The following CCDC85C variants were observed in gnomAD, a reference collection of about 807,000 sequenced individuals.
CCDC85C encodes coiled-coil domain containing 85C, also known as coiled-coil domain-containing protein 85C.
A neutral mutation model predicts 38.3 loss-of-function variants in CCDC85C; 18 were observed. That is an observed-to-expected ratio of 0.47 (90% CI 0.33 to 0.70). The LOEUF (loss-of-function observed/expected upper bound fraction) is 0.70. CCDC85C is among the 30% of genes least tolerant of loss of function. CCDC85C has a pLI of 0.03. For synonymous variants in CCDC85C, 264 were observed against 293.8 expected (o/e 0.90, Z 1.04); for missense variants, 566 against 621.2 (o/e 0.91, Z 0.94).
intron 1 of CCDC85C, among the ~76,000 whole-genome samples, chr14:99,565,048 T>C (rs1898189296): frequency 6.6e-6 from 1 of 152,172 alleles, no homozygotes; most frequent in Admixed American, 6.5e-5. Context: ...CGGCCTCTGA[T>C]CATGCAGCCA....
intron 5 of CCDC85C, among the ~76,000 whole-genome samples, chr14:99,515,979 G>A (rs1305149397): frequency 3.3e-5 from 5 of 152,148 alleles, no homozygotes; most frequent in Non-Finnish European, 7.4e-5. Flanking sequence ...GACACCAGGG[G>A]CCCTCTGGGA....
At chr14:99,601,462 A>G (rs975206124) in intron 1 of CCDC85C, among the ~76,000 whole-genome samples, 1 of 152,194 alleles carries the variant, frequency 6.6e-6, no homozygotes, top group African/African-American at 2.4e-5. Flanking sequence ...AGTATGCTCT[A>G]AACACTCCAG....
rs993420732 is a variant in CCDC85C at position 99,510,046 on chromosome 14, C to T, written c.*5200G>A. On this transcript the variant is annotated 3_prime_UTR_variant, in exon 6 of 6. Transcript: ENST00000380243. ...CCCATGCGTTGGGCCACAGAGGAGG[C>T]GGGCAGCTGCTCCCTGCTCCTCTGT... The T allele has an allele frequency of 7.4e-6, 8 of 1,076,492 alleles. No homozygotes were observed. The highest frequency in any genetic ancestry group is 6.2e-4 in the Middle Eastern group (2 of 3,234). The allele number at this position is 1,076,492 out of a possible 1,614,324, so 66.7% of individuals were successfully genotyped here.
rs916608834 is a variant in CCDC85C, at chr14:99,508,254, C to G, written c.*6992G>C. ...ATTCAATATGAACCTTACTTAAATGCCTGTGGTTGCTCATGAAGCATTTAT... is the reference window on the plus strand; with the variant it reads ...ATTCAATATGAACCTTACTTAAATGGCTGTGGTTGCTCATGAAGCATTTAT... On this transcript the variant is annotated 3_prime_UTR_variant, in exon 6 of 6. Coordinates refer to ENST00000380243, the MANE Select transcript of CCDC85C (RefSeq NM_001144995.2). 6.6e-6 allele frequency: 1 copy of G among 152,268 alleles called. No individual in the cohort carries two copies. Among genetic ancestry groups the G allele is most frequent in the Non-Finnish European group, 1.5e-5 (1 of 68,056 alleles). The allele number at this position is 152,268 out of a possible 1,614,324, so 9.4% of individuals were successfully genotyped here. A position where few individuals can be genotyped will look rare whatever the true frequency, so the allele number is the denominator to read the frequency against.
rs2055244929 is a variant in CCDC85C, at chr14:99,604,034, C to A, written c.-75G>T. On this transcript the variant is annotated 5_prime_UTR_variant, in exon 1 of 6. Coordinates refer to ENST00000380243, the MANE Select transcript of CCDC85C (RefSeq NM_001144995.2). ...TCCCCGCGCCGGGGCTCCGCTGGGC[C>A]GGTCCGCGCGCGGGCGGGGGGCGGC... The A allele has an allele frequency of 2.0e-6, 2 of 1,000,602 alleles. No individual in the cohort carries two copies. Among genetic ancestry groups the A allele is most frequent in the South Asian group, 4.6e-5 (1 of 21,674 alleles). The allele number at this position is 1,000,602 out of a possible 1,614,324, so 62.0% of individuals were successfully genotyped here.
At chr14:99,539,296 C>T (rs961662945) in intron 1 of CCDC85C, among the ~76,000 whole-genome samples, 4 of 151,712 alleles carry the variant, frequency 2.6e-5, no homozygotes, top group African/African-American at 9.7e-5. Flanking sequence ...CATGGTGAAA[C>T]CCCATCTCTA....
Position 99,603,200 on chromosome 14 carries a change from G to A in CCDC85C, c.760C>T (p.Pro254Ser). The A allele has an allele frequency of 7.0e-7, 1 of 1,426,826 alleles. No individual in the cohort carries two copies. 88.4% of individuals were successfully genotyped at this position (1,426,826 alleles called of 1,614,324 possible). Reference sequence around the variant, plus strand: ...CCGTTGGGGATGCTGCGGTGGTGCGGCGGCGCCGACAAGTCGTCCAGGGAC... The same window carrying A: ...CCGTTGGGGATGCTGCGGTGGTGCGACGGCGCCGACAAGTCGTCCAGGGAC... ...RRSLDDLSAP[P>S]HHRSIPNGLH... The change falls in exon 1 of 6, where the codon CCG becomes TCG. Residue 254 changes from proline to serine, a missense_variant. Transcript: ENST00000380243. The surrounding 1 kb of genome is among the most constrained non-coding windows in gnomAD (Gnocchi z 7.5).
chr14:99,516,733 A>T lies in CCDC85C; in HGVS notation c.1071+355T>A, dbSNP rs1223180873. Among the ~76,000 whole-genome samples, 3 of 152,112 alleles carry T rather than the reference A, an allele frequency of 2.0e-5. No homozygotes were observed. The highest frequency in any genetic ancestry group is 7.2e-5 in the African/African-American group (3 of 41,408). On this transcript the variant is annotated intron_variant, in intron 4 of 5. Coordinates refer to ENST00000380243, the MANE Select transcript of CCDC85C (RefSeq NM_001144995.2). This position sits in a 1 kb window ranked among gnomAD's most constrained non-coding sequence, Gnocchi z 5.5. ...GCACAGCCTGGAGGAACCGGAGCCCATCGGACTCACCAGTCTGCACCTGCA... is the reference window on the plus strand; with the variant it reads ...GCACAGCCTGGAGGAACCGGAGCCCTTCGGACTCACCAGTCTGCACCTGCA...
In CCDC85C at chr14:99,547,119, C is replaced by A. The variant is rs544290685; in HGVS notation, c.794-11031G>T. ...GGAGGATCACTTGAAGCTAGGAGTT[C>A]AAAGCCGTAGTGTGCTATCATGCCT... is the stretch of plus-strand genomic sequence containing the variant. On this transcript the variant is annotated intron_variant, in intron 1 of 5. Coordinates refer to ENST00000380243, the MANE Select transcript of CCDC85C (RefSeq NM_001144995.2). Among the ~76,000 whole-genome samples the A allele has an allele frequency of 2.6e-5, 4 of 152,142 alleles. No homozygotes were observed. In the South Asian group the frequency reaches 8.3e-4, roughly 32 times the overall value.
In CCDC85C at chr14:99,503,155, C is replaced by A; in HGVS notation, c.*12091G>T. 2 of 781,574 alleles carry A rather than the reference C, an allele frequency of 2.6e-6. No homozygotes were observed. The highest frequency in any genetic ancestry group is 4.4e-6 in the Non-Finnish European group (2 of 456,182). The allele number at this position is 781,574 out of a possible 1,614,324, so 48.4% of individuals were successfully genotyped here. On this transcript the variant is annotated 3_prime_UTR_variant, in exon 6 of 6. Transcript: ENST00000380243. ...GGGGAGCCTGAAAACAAAGGTGCTC[C>A]AAGGACAGGCTGCCTCTGAGAACCA...
chr14:99,523,429 G>T (rs1415745232), intron 2 of CCDC85C, among the ~76,000 whole-genome samples: 2 of 152,198 alleles, frequency 1.3e-5, no homozygotes, highest in Non-Finnish European at 2.9e-5. Context: ...CCCCCCACTG[G>T]GGCTGGGAGG....
At chr14:99,531,485 G>A (rs561108971) in intron 2 of CCDC85C, among the ~76,000 whole-genome samples, 2 of 150,908 alleles carry the variant, frequency 1.3e-5, no homozygotes, top group Non-Finnish European at 2.9e-5. Context: ...AAGCCAACAT[G>A]AGAAAGAAAA....
Position 99,501,384 on chromosome 14 carries a change from T to G in CCDC85C, c.*13862A>C, listed in dbSNP as rs371238020. On this transcript the variant is annotated 3_prime_UTR_variant, in exon 6 of 6. Transcript: ENST00000380243. ...ATAAAAACAAAATTCAAAAGTTGGTTCAAATGGCATGGACATTTGTAAATG... is the reference window on the plus strand; with the variant it reads ...ATAAAAACAAAATTCAAAAGTTGGTGCAAATGGCATGGACATTTGTAAATG... 1.1e-5 allele frequency: 18 copies of G among 1,607,146 alleles called. No homozygotes were observed. The highest frequency in any genetic ancestry group is 1.5e-5 in the Non-Finnish European group (18 of 1,175,426).
intron 2 of CCDC85C, among the ~76,000 whole-genome samples, chr14:99,528,010 G>T (rs112391110): frequency 6.6e-6 from 1 of 152,148 alleles, no homozygotes; most frequent in Admixed American, 6.5e-5. Context: ...TGGAAGTTTC[G>T]CCAGTAATGC....
In CCDC85C at chr14:99,603,176, C is replaced by A; in HGVS notation, c.784G>T (p.Gly262Cys). 1 of 1,402,018 alleles carries A rather than the reference C, an allele frequency of 7.1e-7. No homozygotes were observed. Among genetic ancestry groups the A allele is most frequent in the South Asian group, 1.5e-5 (1 of 65,470 alleles). 86.8% of individuals were successfully genotyped at this position (1,402,018 alleles called of 1,614,324 possible). Residue 262 changes from glycine to cysteine, a missense_variant, in exon 1 of 6, where the codon GGC becomes TGC. This residue lies in a region of CCDC85C where 286 missense variants were observed against 276.4 expected (regional missense o/e 1.03). Coordinates refer to ENST00000380243, the MANE Select transcript of CCDC85C (RefSeq NM_001144995.2). This position sits in a 1 kb window ranked among gnomAD's most constrained non-coding sequence, Gnocchi z 7.5. Reference sequence around the variant, plus strand: ...CCCGTGTAGTCCTTACCGTGCAGGCCGTTGGGGATGCTGCGGTGGTGCGGC... The same window carrying A: ...CCCGTGTAGTCCTTACCGTGCAGGCAGTTGGGGATGCTGCGGTGGTGCGGC... ...APPHHRSIPN[G>C]LHDPSSTYIR... is the part of the protein sequence containing the mutation.
At chr14:99,602,927 G>C (rs2055218212) in intron 1 of CCDC85C, among the ~76,000 whole-genome samples, 2 of 152,286 alleles carry the variant, frequency 1.3e-5, no homozygotes, top group South Asian at 4.1e-4. Context: ...TCTGGGACCG[G>C]ACCGGCAGCA....
At chr14:99,529,100 G>A (rs565189609) in intron 2 of CCDC85C, among the ~76,000 whole-genome samples, 1 of 152,342 alleles carries the variant, frequency 6.6e-6, no homozygotes, top group South Asian at 2.1e-4. Context: ...AGATCAGGCG[G>A]TAGAGATGAA....
rs768254731 is a variant in CCDC85C at position 99,502,945 on chromosome 14, T to G, written c.*12301A>C. The G allele has an allele frequency of 6.2e-7, 1 of 1,613,702 alleles. No homozygotes were observed. Among genetic ancestry groups the G allele is most frequent in the South Asian group, 1.1e-5 (1 of 91,052 alleles). On this transcript the variant is annotated 3_prime_UTR_variant, in exon 6 of 6. Coordinates refer to ENST00000380243, the MANE Select transcript of CCDC85C (RefSeq NM_001144995.2). ...CAGCCCAACAGCCCAAGAAACCCTC[T>G]CCGCAGCCCAGTTCTCCCCGACAGG... is the stretch of plus-strand genomic sequence containing the variant.
intron 1 of CCDC85C, among the ~76,000 whole-genome samples, chr14:99,568,826 C>A (rs1898275538): frequency 6.6e-6 from 1 of 152,256 alleles, no homozygotes; most frequent in African/African-American, 2.4e-5. Context: ...GTCAGCCTCT[C>A]CACCAGGCCA....
Sources: gnomAD v4.1 joint callset for allele counts (sites outside exome capture counted in the v4.1 genomes callset) on GRCh38, gnomAD v4.1.1 for gene constraint, gnomAD v4.1.1 regional missense constraint, Gnocchi (gnomAD v3.1) non-coding constraint, MANE v1.5 for transcripts, NCBI Gene and HGNC (gene_info 2026-07-23, HGNC 2026-07-21) for gene names.